TRPM1: variants seen among roughly 807,000 people sequenced by gnomAD.
TRPM1 encodes TRPM1-203 APA Isoform, Intron 10.
In TRPM1, 113 loss-of-function variants were observed where a neutral mutation model predicts 149.4. That is an observed-to-expected ratio of 0.76 (90% CI 0.65 to 0.88). The LOEUF is 0.88. Ranked by LOEUF, TRPM1 falls within the 40% of genes least tolerant of loss-of-function variation. TRPM1 has a pLI of 0.00. For missense variants in TRPM1, 1,976 were observed against 2,038.7 expected, an observed-to-expected ratio of 0.97 and a Z score of 0.59; for synonymous variants, 741 against 759.5, an observed-to-expected ratio of 0.98 and a Z score of 0.40.
chr15:31,109,150 A>C (rs970498986), intron 1 of TRPM1, among the ~76,000 whole-genome samples: 1 of 152,030 alleles, frequency 6.6e-6, no homozygotes, highest in Non-Finnish European at 1.5e-5. Context: ...GGAAAGCATA[A>C]AGGGAGAGGG....
At chr15:31,124,515 G>A (rs374481292) in intron 1 of TRPM1, among the ~76,000 whole-genome samples, 47 of 151,834 alleles carry the variant, frequency 3.1e-4, no homozygotes, top group African/African-American at 1.0e-3. Flanking sequence ...TTAGTCAGGC[G>A]TGGTGGTGCA....
chr15:31,089,171 CATT>C (rs1209138276), intron 1 of TRPM1, among the ~76,000 whole-genome samples: 1 of 152,144 alleles, frequency 6.6e-6, no homozygotes, highest in African/African-American at 2.4e-5. Context: ...TCTGGTGTTG[CATT>C]ATTGTGCAAC....
intron 1 of TRPM1, among the ~76,000 whole-genome samples, chr15:31,146,171 G>A (rs1453447555): frequency 2.6e-5 from 4 of 152,100 alleles, no homozygotes; most frequent in Admixed American, 2.0e-4. Flanking sequence ...ATGTTTGCAC[G>A]CAGCCATCCA....
chr15:31,006,793 A>T (rs562285423), intron 27 of TRPM1, among the ~76,000 whole-genome samples: 3 of 151,882 alleles, frequency 2.0e-5, no homozygotes, highest in East Asian at 1.9e-4. Context: ...GTTATTTTTA[A>T]TTTTTTTTAT....
intron 13 of TRPM1, among the ~76,000 whole-genome samples, chr15:31,048,794 A>G (rs2033854773): frequency 6.6e-6 from 1 of 152,176 alleles, no homozygotes; most frequent in South Asian, 2.1e-4. Flanking sequence ...CCTGGGCAAC[A>G]AGAGAGACTC....
chr15:31,060,238 AATT>A (rs1456284109), intron 11 of TRPM1: 11 of 451,276 alleles, frequency 2.4e-5, no homozygotes, highest in Non-Finnish European at 4.5e-5. Flanking sequence ...CATTGCATTA[AATT>A]TTAATAAGCT....
At chr15:31,154,345 C>T (rs1328139825) in intron 1 of TRPM1, among the ~76,000 whole-genome samples, 1 of 152,158 alleles carries the variant, frequency 6.6e-6, no homozygotes, top group Non-Finnish European at 1.5e-5. Flanking sequence ...GGGTGTGTTA[C>T]ATTCAAGGCC....
intron 7 of TRPM1, chr15:31,065,247 TCTA>T (rs2034339082): frequency 2.3e-6 from 1 of 425,828 alleles, no homozygotes. Context: ...TTCTCGGAAA[TCTA>T]CAACTTTTCC....
At chr15:31,062,752 T>C (rs781660426) in intron 8 of TRPM1, 50 bp from the exon 9 acceptor site, 8 of 1,591,778 alleles carry the variant, frequency 5.0e-6, no homozygotes, top group Non-Finnish European at 6.0e-6. Flanking sequence ...TAAATCTATA[T>C]ATGAATGAGT....
chr15:31,032,190 C>T (rs2033115071), intron 22 of TRPM1, among the ~76,000 whole-genome samples: 1 of 152,018 alleles, frequency 6.6e-6, no homozygotes, highest in Non-Finnish European at 1.5e-5. Context: ...AATTGATGTT[C>T]TCTTATGTCC....
intron 1 of TRPM1, among the ~76,000 whole-genome samples, chr15:31,121,657 T>C (rs2035882328): frequency 6.6e-6 from 1 of 152,180 alleles, no homozygotes; most frequent in Non-Finnish European, 1.5e-5. Flanking sequence ...CAATATCTAT[T>C]AAAAATTAAG....
intron 1 of TRPM1, among the ~76,000 whole-genome samples, chr15:31,124,548 G>A (rs1402552007): frequency 1.3e-5 from 2 of 151,744 alleles, no homozygotes; most frequent in Non-Finnish European, 2.9e-5. Flanking sequence ...CAGCTACTTG[G>A]GAGGCTGAGG....
rs1043114574 is a variant in TRPM1 at position 31,155,233 on chromosome 15, C to T, written c.54+5673G>A. Among the ~76,000 whole-genome samples, 4 of 152,136 alleles carry T rather than the reference C, an allele frequency of 2.6e-5. No individual in the cohort carries two copies. In the East Asian group the frequency reaches 7.7e-4, roughly 29 times the overall value. ...AAGGGAGCCAAGCGTGGTCCTAGTG[C>T]TTCGGGCCCAGGGAGAGGTGAGAGC... On this transcript the variant is annotated intron_variant, in intron 1 of 26. Coordinates refer to the TRPM1 transcript ENST00000542188.
At chr15:31,109,015 T>C (rs1453653147) in intron 1 of TRPM1, among the ~76,000 whole-genome samples, 3 of 152,102 alleles carry the variant, frequency 2.0e-5, no homozygotes, top group African/African-American at 7.2e-5. Context: ...TGTGGAGATA[T>C]GGGAATGACT....
At chr15:31,139,794 T>TTA (rs2036135808) in intron 1 of TRPM1, among the ~76,000 whole-genome samples, 1 of 152,238 alleles carries the variant, frequency 6.6e-6, no homozygotes, top group Non-Finnish European at 1.5e-5. Flanking sequence ...ATTGAGATGA[T>TTA]GGCTAACTTT....
chr15:31,148,754 G>A (rs1219201408), intron 1 of TRPM1, among the ~76,000 whole-genome samples: 1 of 152,212 alleles, frequency 6.6e-6, no homozygotes, highest in Non-Finnish European at 1.5e-5. Context: ...TGTGTAATCT[G>A]CACAGAAACC....
intron 27 of TRPM1, among the ~76,000 whole-genome samples, chr15:31,016,701 C>G (rs2032364971): frequency 1.3e-5 from 2 of 152,102 alleles, no homozygotes; most frequent in Admixed American, 1.3e-4. Context: ...GTCTGGGCCC[C>G]AATTAATCAT....
At chr15:31,151,556 G>A (rs2036304523) in intron 1 of TRPM1, among the ~76,000 whole-genome samples, 1 of 152,266 alleles carries the variant, frequency 6.6e-6, no homozygotes, top group Admixed American at 6.5e-5. Flanking sequence ...GGCTGTGCTG[G>A]CAATTCAGTG....
chr15:31,068,443 T>C (rs893291796), intron 4 of TRPM1, among the ~76,000 whole-genome samples: 2 of 151,992 alleles, frequency 1.3e-5, no homozygotes, highest in African/African-American at 4.8e-5. Flanking sequence ...CTAGTGTCCT[T>C]ATAAAAGAGG....
Sources: allele counts gnomAD v4.1 joint callset (sites outside exome capture counted in the v4.1 genomes callset), GRCh38; gene constraint gnomAD v4.1.1; transcripts MANE v1.5; gene names NCBI Gene and HGNC (gene_info 2026-07-23, HGNC 2026-07-21).